Variants in APOOL observed in about 807,000 individuals in gnomAD.
The protein encoded by APOOL is MICOS complex subunit MIC27.
Under a neutral mutation model 23.1 loss-of-function variants are expected in APOOL, and 12 were observed. The ratio of observed to expected loss-of-function variants is 0.52; its 90% confidence interval spans 0.33 to 0.84. The LOEUF is 0.84. Among genes scored for constraint, APOOL ranks in the 40% least tolerant of loss-of-function variants. The pLI, the probability that APOOL is intolerant of heterozygous loss-of-function variation, is 0.02. For missense variants in APOOL, 212 were observed against 199.6 expected (o/e 1.06, Z -0.37); for synonymous variants, 77 against 69.9 (o/e 1.10, Z -0.51).
chrX:85,085,904 C>A (rs763024410), intron 8 of APOOL, among the ~76,000 whole-genome samples: 10 of 111,967 alleles, frequency 8.9e-5, no homozygotes, highest in Admixed American at 4.7e-4. Flanking sequence ...TGTGGTCAGA[C>A]AAATGTGGAT....
At chrX:85,005,802 C>T (rs1242775674) in intron 1 of APOOL, among the ~76,000 whole-genome samples, 6 of 111,464 alleles carry the variant, frequency 5.4e-5, no homozygotes, top group South Asian at 7.5e-4. Context: ...AGTGCTCTGA[C>T]GCTCAAAAGG....
At chrX:85,068,412 C>CT (rs1209497843) in intron 6 of APOOL, among the ~76,000 whole-genome samples, 694 of 66,365 alleles carry the variant, frequency 0.01, 8 homozygotes, top group African/African-American at 0.035. Flanking sequence ...TTTTTTTTTT[C>CT]TTTTTTTTTT....
intron 1 of APOOL, among the ~76,000 whole-genome samples, chrX:85,009,812 G>A (rs762619488): frequency 5.7e-4 from 63 of 110,644 alleles, no homozygotes; most frequent in South Asian, 7.7e-4. Flanking sequence ...ACCCTCAGGT[G>A]TCTGTGGTTT....
At chrX:85,013,890 A>C (rs1231210694) in intron 1 of APOOL, among the ~76,000 whole-genome samples, 1 of 111,374 alleles carries the variant, frequency 9.0e-6, no homozygotes, top group African/African-American at 3.3e-5. Context: ...TGTCTTGATG[A>C]CCTGTCTAGT....
At chrX:85,005,670 C>T (rs1284194916) in intron 1 of APOOL, among the ~76,000 whole-genome samples, 3 of 110,413 alleles carry the variant, frequency 2.7e-5, no homozygotes, top group Non-Finnish European at 5.6e-5. Flanking sequence ...TCAACATGTT[C>T]TACATGAATA....
At chrX:85,029,417 G>A (rs1314473603) in intron 1 of APOOL, among the ~76,000 whole-genome samples, 3 of 111,793 alleles carry the variant, frequency 2.7e-5, no homozygotes, top group Non-Finnish European at 3.8e-5. Context: ...CACTATGCTA[G>A]GGCTATTTCA....
intron 6 of APOOL, among the ~76,000 whole-genome samples, chrX:85,071,736 G>A (rs1333218721): frequency 9.0e-6 from 1 of 111,447 alleles, no homozygotes; most frequent in African/African-American, 3.3e-5. Context: ...AAAGTTAATG[G>A]ATACATGAAA....
chrX:85,061,673 G>T (rs1456984169), intron 5 of APOOL, among the ~76,000 whole-genome samples: 1 of 111,144 alleles, frequency 9.0e-6, no homozygotes, highest in Non-Finnish European at 1.9e-5. Flanking sequence ...TTGCATAGAG[G>T]TGTTTATAGT....
intron 8 of APOOL, among the ~76,000 whole-genome samples, chrX:85,086,866 A>C (rs899702755): frequency 4.3e-5 from 4 of 93,829 alleles, no homozygotes; most frequent in African/African-American, 1.6e-4. Context: ...CGCCCGGCTA[A>C]TTTTTTGTAT....
At chrX:85,069,813 G>A (rs1051475008) in intron 6 of APOOL, among the ~76,000 whole-genome samples, 3 of 109,727 alleles carry the variant, frequency 2.7e-5, no homozygotes, top group Admixed American at 9.9e-5. Flanking sequence ...AAAATTGAGT[G>A]CAGAATCCTT....
At chrX:85,049,704 T>C (rs1363742284) in intron 2 of APOOL, among the ~76,000 whole-genome samples, 1 of 110,776 alleles carries the variant, frequency 9.0e-6, no homozygotes, top group Non-Finnish European at 1.9e-5. Flanking sequence ...AGAGGATTGC[T>C]TGAGCCCGGG....
At chrX:85,071,542 G>T (rs1445925008) in intron 6 of APOOL, among the ~76,000 whole-genome samples, 1 of 110,511 alleles carries the variant, frequency 9.0e-6, no homozygotes, top group Non-Finnish European at 1.9e-5. Flanking sequence ...GTGGAATACA[G>T]ATCTAATCAT....
chrX:85,054,095 G>C (rs905061186), intron 3 of APOOL, among the ~76,000 whole-genome samples: 2 of 110,861 alleles, frequency 1.8e-5, no homozygotes, highest in African/African-American at 6.5e-5. Flanking sequence ...TATCATTTCT[G>C]CTCTGATTAT....
chrX:85,004,644 T>C (rs1230878186), intron 1 of APOOL, among the ~76,000 whole-genome samples: 1 of 112,100 alleles, frequency 8.9e-6, no homozygotes, highest in Non-Finnish European at 1.9e-5. Flanking sequence ...GCTGAAGTTT[T>C]AAGTCGGCAG....
At chrX:85,021,837 T>C (rs1246789974) in intron 1 of APOOL, among the ~76,000 whole-genome samples, 1 of 111,572 alleles carries the variant, frequency 9.0e-6, no homozygotes, top group Non-Finnish European at 1.9e-5. Context: ...TGCGAAAAGA[T>C]AACATAGATA....
At chrX:85,024,313 T>C (rs192016945) in intron 1 of APOOL, among the ~76,000 whole-genome samples, 152 of 112,307 alleles carry the variant, frequency 1.4e-3, no homozygotes, top group African/African-American at 4.6e-3. Context: ...GTATGCAGCC[T>C]TGGGTATGTG....
intron 1 of APOOL, among the ~76,000 whole-genome samples, chrX:85,033,356 CTG>C (rs1329960971): frequency 1.7e-4 from 19 of 111,982 alleles, no homozygotes; most frequent in African/African-American, 5.8e-4. Flanking sequence ...ACTTTTAGAG[CTG>C]TGTTACAGGT....
intron 1 of APOOL, among the ~76,000 whole-genome samples, chrX:85,031,763 A>G (rs1452895385): frequency 8.9e-6 from 1 of 112,119 alleles, no homozygotes; most frequent in African/African-American, 3.2e-5. Context: ...GGCTAGGGCC[A>G]GAGGAAGGCG....
chrX:85,014,848 T>C (rs1921413479), intron 1 of APOOL, among the ~76,000 whole-genome samples: 1 of 110,506 alleles, frequency 9.0e-6, no homozygotes, highest in African/African-American at 3.3e-5. Context: ...TGAGCTTCTT[T>C]TAGTTGGATG....
Sources: allele counts gnomAD v4.1 joint callset (sites outside exome capture counted in the v4.1 genomes callset), GRCh38; gene constraint gnomAD v4.1.1; transcripts MANE v1.5; gene names NCBI Gene and HGNC (gene_info 2026-07-23, HGNC 2026-07-21).